Variants in PKN2 observed in about 807,000 individuals in gnomAD.
PKN2 encodes serine/threonine-protein kinase N2.
In PKN2, 38 loss-of-function variants were observed where a neutral mutation model predicts 119.1. The observed-to-expected ratio is 0.32, with a 90% confidence interval of 0.25 to 0.42. The LOEUF is 0.42. Among genes scored for constraint, PKN2 ranks in the 10% least tolerant of loss-of-function variants. The pLI is 1.00. For synonymous variants in PKN2, 390 were observed against 384.9 expected, an observed-to-expected ratio of 1.01 and a Z score of -0.15; for missense variants, 850 against 1,165.1, an observed-to-expected ratio of 0.73 and a Z score of 3.94.
intron 8 of PKN2, among the ~76,000 whole-genome samples, chr1:88,799,844 CT>C (rs774608551): frequency 1.3e-5 from 2 of 152,192 alleles, no homozygotes; most frequent in African/African-American, 2.4e-5. Context: ...AAAAAACTCT[CT>C]TTAGTTAAAC....
chr1:88,820,324 C>T (rs538380863), intron 16 of PKN2, among the ~76,000 whole-genome samples: 3 of 148,722 alleles, frequency 2.0e-5, no homozygotes, highest in East Asian at 2.0e-4. Context: ...CACCTGAGGT[C>T]GGAAGTTCGA....
At chr1:88,739,976 G>A (rs531409128) in intron 1 of PKN2, among the ~76,000 whole-genome samples, 1 of 151,564 alleles carries the variant, frequency 6.6e-6, no homozygotes, top group African/African-American at 2.4e-5. Flanking sequence ...AACATCTGCA[G>A]ATTCAACCAA....
chr1:88,809,976 AAG>A (rs1387297941), intron 15 of PKN2, among the ~76,000 whole-genome samples: 2 of 152,188 alleles, frequency 1.3e-5, no homozygotes, highest in East Asian at 1.9e-4. Flanking sequence ...CTGGTATAAA[AAG>A]AGAGAAAAGA....
chr1:88,766,950 T>C (rs1312813063), intron 3 of PKN2, among the ~76,000 whole-genome samples: 1 of 152,208 alleles, frequency 6.6e-6, no homozygotes, highest in Non-Finnish European at 1.5e-5. Context: ...AAGTGCTGTT[T>C]CTTGCATGTT....
intron 1 of PKN2, among the ~76,000 whole-genome samples, chr1:88,686,314 G>A (rs922135635): frequency 2.0e-5 from 3 of 152,028 alleles, no homozygotes; most frequent in African/African-American, 7.2e-5. Flanking sequence ...ATTGGTACTT[G>A]TATGTTATAG....
intron 19 of PKN2, among the ~76,000 whole-genome samples, chr1:88,831,012 A>G (rs946055465): frequency 7.9e-5 from 12 of 152,034 alleles, no homozygotes; most frequent in African/African-American, 2.9e-4. Context: ...AGATTTGTAT[A>G]CTTCTACTAG....
rs9651072 is a variant in PKN2, at chr1:88,771,873, C to T, written c.979C>T (p.Leu327=). 0.047 allele frequency: 75,025 copies of T among 1,606,314 alleles called. 4,744 individuals are homozygous for T. Among genetic ancestry groups the T allele is most frequent in the African/African-American group, 0.3 (22,596 of 74,660 alleles). The change falls in exon 6 of 22, where the codon CTA becomes TTA. Residue 327 remains leucine, a synonymous_variant. Coordinates refer to ENST00000370521, the MANE Select transcript of PKN2 (RefSeq NM_006256.4). The part of the protein sequence containing the change: ...QYSTLSKPAA[L]TGTLEVRLMG... ...TAGTACACTATCCAAACCAGCAGCACTAACAGGTATGTAGTGTATAGCCAT... is the reference window on the plus strand; with the variant it reads ...TAGTACACTATCCAAACCAGCAGCATTAACAGGTATGTAGTGTATAGCCAT...
chr1:88,733,200 A>G (rs1047004431), intron 1 of PKN2, among the ~76,000 whole-genome samples: 1 of 152,208 alleles, frequency 6.6e-6, no homozygotes, highest in Non-Finnish European at 1.5e-5. Context: ...CTTTGGATAT[A>G]TATACCCAGT....
In PKN2 at chr1:88,835,603, G is replaced by A. The variant is rs1019540938; in HGVS notation, c.*2155G>A. On this transcript the variant is annotated 3_prime_UTR_variant, in exon 22 of 22. Coordinates refer to ENST00000370521, the MANE Select transcript of PKN2 (RefSeq NM_006256.4). ...GATTTAAAATTTTAAGCTTTATAGAGTGTAAATATATTTTGCTATTACTGT... is the reference window on the plus strand; with the variant it reads ...GATTTAAAATTTTAAGCTTTATAGAATGTAAATATATTTTGCTATTACTGT... The A allele has an allele frequency of 1.3e-5, 2 of 152,336 alleles. No homozygotes were observed. The highest frequency in any genetic ancestry group is 4.8e-5 in the African/African-American group (2 of 41,406). The allele number at this position is 152,336 out of a possible 1,614,324, so 9.4% of individuals were successfully genotyped here.
At chr1:88,689,071 A>C (rs1311581258) in intron 1 of PKN2, among the ~76,000 whole-genome samples, 1 of 152,194 alleles carries the variant, frequency 6.6e-6, no homozygotes, top group Non-Finnish European at 1.5e-5. Flanking sequence ...GTGACACTGG[A>C]AAGTGGAAGG....
intron 6 of PKN2, among the ~76,000 whole-genome samples, chr1:88,782,489 TA>T (rs1670385784): frequency 6.6e-6 from 1 of 152,140 alleles, no homozygotes; most frequent in Non-Finnish European, 1.5e-5. Flanking sequence ...ACAGTTAATA[TA>T]TGCACTGTTC....
chr1:88,764,632 C>T (rs1281789197), intron 3 of PKN2, among the ~76,000 whole-genome samples: 1 of 148,804 alleles, frequency 6.7e-6, no homozygotes, highest in African/African-American at 2.6e-5. Flanking sequence ...CCATAATTTA[C>T]ACATTGTTCT....
chr1:88,684,795 C>T lies in PKN2; in HGVS notation c.48+167C>T, dbSNP rs1218528836. On this transcript the variant is annotated intron_variant, in intron 1 of 21. Transcript: ENST00000370521. Reference sequence around the variant, plus strand: ...AATGCTTCCCTCGGGGAACCGCTTCCCTGGGGAGCCGGACCCTCTCCCCCG... The same window carrying T: ...AATGCTTCCCTCGGGGAACCGCTTCTCTGGGGAGCCGGACCCTCTCCCCCG... 12 of 569,518 alleles carry T rather than the reference C, an allele frequency of 2.1e-5. No homozygotes were observed. In the Admixed American group the frequency reaches 4.4e-4, roughly 21 times the overall value. The allele number at this position is 569,518 out of a possible 1,614,324, so 35.3% of individuals were successfully genotyped here. A position where few individuals can be genotyped will look rare whatever the true frequency, so the allele number is the denominator to read the frequency against.
Position 88,821,920 on chromosome 1 carries a change from TTGA to T in PKN2, c.2280-19_2280-17del, listed in dbSNP as rs1205928311. 7 of 1,545,364 alleles carry T rather than the reference TTGA, an allele frequency of 4.5e-6. No homozygotes were observed. The African/African-American group carries it at 5.5e-5, about 12-fold the overall frequency. On this transcript the variant is annotated intron_variant, in intron 16 of 21. Coordinates refer to ENST00000370521, the MANE Select transcript of PKN2 (RefSeq NM_006256.4). ...AGCAATAAAATTTATTAAACTCCTG[TTGA>T]TTTAATTCTTCAAACAGATTTTATG...
chr1:88,823,703 TAAAAAAA>T (rs61234342), intron 17 of PKN2, among the ~76,000 whole-genome samples: 5 of 65,746 alleles, frequency 7.6e-5, no homozygotes, highest in East Asian at 9.8e-4. Context: ...GACTCTGTCT[TAAAAAAA>T]AAAAAAAAAA....
At chr1:88,700,155 T>C (rs1169826157) in intron 1 of PKN2, among the ~76,000 whole-genome samples, 1 of 152,096 alleles carries the variant, frequency 6.6e-6, no homozygotes, top group Non-Finnish European at 1.5e-5. Flanking sequence ...CTGCCATTGA[T>C]GGGCATTTAG....
chr1:88,729,056 G>A (rs1054874679), intron 1 of PKN2, among the ~76,000 whole-genome samples: 12 of 151,830 alleles, frequency 7.9e-5, no homozygotes, highest in Admixed American at 4.6e-4. Context: ...CACCATGCCC[G>A]GCTAATTTTG....
chr1:88,827,716 T>G (rs1280681944), intron 18 of PKN2, among the ~76,000 whole-genome samples: 1 of 149,042 alleles, frequency 6.7e-6, no homozygotes, highest in Non-Finnish European at 1.5e-5. Context: ...TATATATATG[T>G]TTTTTGTTTG....
At chr1:88,725,499 C>T (rs1163992852) in intron 1 of PKN2, among the ~76,000 whole-genome samples, 1 of 152,102 alleles carries the variant, frequency 6.6e-6, no homozygotes, top group Non-Finnish European at 1.5e-5. Flanking sequence ...TCCCTAATAG[C>T]TAATGATGTT....
Sources: gnomAD v4.1 joint callset for allele counts (sites outside exome capture counted in the v4.1 genomes callset) on GRCh38, gnomAD v4.1.1 for gene constraint, MANE v1.5 for transcripts, NCBI Gene and HGNC (gene_info 2026-07-23, HGNC 2026-07-21) for gene names.